ALK: variants seen among roughly 807,000 people sequenced by gnomAD.
The protein encoded by ALK is ALK tyrosine kinase receptor.
A neutral mutation model predicts 163.1 loss-of-function variants in ALK; 74 were observed. The observed-to-expected ratio is 0.45, with a 90% CI of 0.38 to 0.55. ALK has a LOEUF of 0.55. Ranked by LOEUF, ALK falls within the 20% of genes least tolerant of loss-of-function variation. ALK has a pLI of 0.00. For synonymous variants in ALK, 960 were observed against 843.2 expected (o/e 1.14, Z -2.40); for missense variants, 2,063 against 2,105.3 (o/e 0.98, Z 0.39).
chr2:29,245,574 C>T (rs1259369319), intron 12 of ALK, among the ~76,000 whole-genome samples: 1 of 135,334 alleles, frequency 7.4e-6, no homozygotes, highest in Non-Finnish European at 1.6e-5. Flanking sequence ...GCTCAATGCC[C>T]TGCACACAGC....
chr2:29,663,830 G>A (rs891376653), intron 3 of ALK, among the ~76,000 whole-genome samples: 2 of 152,100 alleles, frequency 1.3e-5, no homozygotes, highest in African/African-American at 4.8e-5. Flanking sequence ...TATGTTTAAG[G>A]TCAGTATATG....
At chr2:29,701,024 A>G (rs2148294718) in intron 2 of ALK, among the ~76,000 whole-genome samples, 1 of 152,314 alleles carries the variant, frequency 6.6e-6, no homozygotes, top group South Asian at 2.1e-4. Flanking sequence ...AACCGGGGCC[A>G]TGTACCAGGC....
chr2:29,494,878 A>G (rs111926015), intron 4 of ALK, among the ~76,000 whole-genome samples: 12 of 120,170 alleles, frequency 1.0e-4, no homozygotes, highest in East Asian at 4.3e-4. Flanking sequence ...GTGTGTGTGC[A>G]TGCATGTGTA....
rs1239792956 is a variant in ALK at position 29,469,890 on chromosome 2, C to G, written c.1154+62025G>C. Among the ~76,000 whole-genome samples the G allele has an allele frequency of 2.0e-5, 3 of 151,860 alleles. No homozygotes were observed. In the South Asian group the frequency reaches 6.3e-4, roughly 32 times the overall value. On this transcript the variant is annotated intron_variant, in intron 4 of 28. Transcript: ENST00000389048. ...TACCAGAAAGGACAGGAAACAGAGC[C>G]AAATGACCCAAAGCCAATATAAAAA...
At chr2:29,741,943 T>C (rs553107374) in intron 1 of ALK, among the ~76,000 whole-genome samples, 2 of 152,258 alleles carry the variant, frequency 1.3e-5, no homozygotes, top group African/African-American at 4.8e-5. Context: ...CTAAGAAGGT[T>C]TCAATCACCC....
At chr2:29,454,958 G>A (rs544233410) in intron 4 of ALK, among the ~76,000 whole-genome samples, 9 of 152,236 alleles carry the variant, frequency 5.9e-5, no homozygotes, top group South Asian at 2.1e-4. Context: ...ATGAGGAAGC[G>A]GGCTCAGAGA....
intron 1 of ALK, among the ~76,000 whole-genome samples, chr2:29,771,648 C>T (rs1334345003): frequency 6.6e-6 from 1 of 152,148 alleles, no homozygotes; most frequent in African/African-American, 2.4e-5. Flanking sequence ...CATTCTCCTG[C>T]CTCAGCCTCC....
chr2:29,657,698 C>G (rs777280202), intron 3 of ALK, among the ~76,000 whole-genome samples: 3 of 151,914 alleles, frequency 2.0e-5, no homozygotes, highest in Non-Finnish European at 4.4e-5. Context: ...TGGACAGAAA[C>G]TCCTCCAAGA....
intron 3 of ALK, among the ~76,000 whole-genome samples, chr2:29,577,526 A>G (rs2148195183): frequency 6.6e-6 from 1 of 152,340 alleles, no homozygotes; most frequent in African/African-American, 2.4e-5. Context: ...GTAAGTCTAC[A>G]CGGAGGAGAT....
intron 12 of ALK, among the ~76,000 whole-genome samples, chr2:29,250,474 C>T (rs1053635816): frequency 2.0e-5 from 3 of 152,166 alleles, no homozygotes; most frequent in Non-Finnish European, 4.4e-5. Flanking sequence ...TCCAGACCTG[C>T]AGAACCAGAT....
Position 29,717,001 on chromosome 2 carries a change from A to C in ALK, c.787+577T>G, listed in dbSNP as rs1429949215. ...CCCCGTGTCTACCAAAAATCCAAAA[A>C]AAAAAAAAAAAAAAAAAAAAATTAG... is the stretch of plus-strand genomic sequence containing the variant. On this transcript the variant is annotated intron_variant, in intron 2 of 28. Transcript: ENST00000389048. Among the ~76,000 whole-genome samples, 49 of 140,044 alleles carry C rather than the reference A, an allele frequency of 3.5e-4. 2 individuals carry two copies. The highest frequency in any genetic ancestry group is 1.1e-3 in the South Asian group (5 of 4,454). 91.9% of individuals were successfully genotyped at this position (140,044 alleles called of 152,430 possible).
intron 1 of ALK, among the ~76,000 whole-genome samples, chr2:29,786,214 T>C (rs1181952905): frequency 2.0e-5 from 3 of 152,150 alleles, no homozygotes; most frequent in African/African-American, 7.2e-5. Flanking sequence ...TCCCATCCAG[T>C]CTTTTCGTTT....
chr2:29,351,182 T>C (rs1668102501), intron 5 of ALK, among the ~76,000 whole-genome samples: 1 of 152,202 alleles, frequency 6.6e-6, no homozygotes, highest in Non-Finnish European at 1.5e-5. Flanking sequence ...AATTAACATA[T>C]AGAGTTATTA....
chr2:29,470,648 T>C lies in ALK; in HGVS notation c.1154+61267A>G, dbSNP rs74903201. Among the ~76,000 whole-genome samples the C allele has an allele frequency of 5.6e-3, 840 of 149,854 alleles. 6 individuals are homozygous for C. Among genetic ancestry groups the C allele is most frequent in the South Asian group, 0.016 (74 of 4,728 alleles). ...ACCCAGTGAGAATATTCTTCAAAAA[T>C]CAAAGTGAAATAAGACATTTCAGAC... On this transcript the variant is annotated intron_variant, in intron 4 of 28. Coordinates refer to ENST00000389048, the MANE Select transcript of ALK (RefSeq NM_004304.5).
chr2:29,917,949 G>A (rs906349340), intron 1 of ALK, among the ~76,000 whole-genome samples: 8 of 152,334 alleles, frequency 5.3e-5, no homozygotes, highest in Non-Finnish European at 7.4e-5. Context: ...GCTGCCAAAT[G>A]TACTGGGCCA....
chr2:29,681,772 C>A (rs970586069), intron 3 of ALK, among the ~76,000 whole-genome samples: 9 of 151,288 alleles, frequency 5.9e-5, no homozygotes, highest in African/African-American at 2.2e-4. Context: ...CCTTCCCCCC[C>A]TCAACCTCAT....
chr2:29,436,166 C>T (rs1156273303), intron 4 of ALK, among the ~76,000 whole-genome samples: 1 of 152,308 alleles, frequency 6.6e-6, no homozygotes, highest in East Asian at 1.9e-4. Context: ...CAAAGAGTCT[C>T]TACTACTTGG....
At chr2:29,620,240 T>C (rs1675991141) in intron 3 of ALK, among the ~76,000 whole-genome samples, 2 of 152,074 alleles carry the variant, frequency 1.3e-5, no homozygotes, top group African/African-American at 2.4e-5. Flanking sequence ...AAGGTGGTGG[T>C]TCCTTCAGAG....
chr2:29,324,965 A>G (rs1667207245), intron 6 of ALK, among the ~76,000 whole-genome samples: 1 of 152,176 alleles, frequency 6.6e-6, no homozygotes, highest in Admixed American at 6.5e-5. Flanking sequence ...AACTGTTAGA[A>G]TTTTTAAGGG....
Sources: gnomAD v4.1 joint callset for allele counts (sites outside exome capture counted in the v4.1 genomes callset) on GRCh38, gnomAD v4.1.1 for gene constraint, MANE v1.5 for transcripts, NCBI Gene and HGNC (gene_info 2026-07-23, HGNC 2026-07-21) for gene names.